PLD1: variants seen among roughly 807,000 people sequenced by gnomAD.
The protein encoded by PLD1 is phospholipase D1.
In PLD1, 112 loss-of-function variants were observed where a neutral mutation model predicts 137.1. The observed-to-expected ratio is 0.82, with a 90% CI of 0.70 to 0.96. The LOEUF (loss-of-function observed/expected upper bound fraction) is 0.96, where lower values mean the gene tolerates loss of function less well. PLD1 is among the 40% of genes least tolerant of loss of function. The probability of loss-of-function intolerance (pLI) is 0.00; values close to 1 mark genes in which losing one functional copy is unlikely to be tolerated. For missense variants in PLD1, 1,321 were observed against 1,342.0 expected (o/e 0.98, Z 0.24); for synonymous variants, 431 against 454.7 (o/e 0.95, Z 0.66).
chr3:171,715,476 A>G (rs58871373), intron 8 of PLD1, among the ~76,000 whole-genome samples: 54,503 of 151,614 alleles, frequency 0.36, 10,879 homozygotes, highest in African/African-American at 0.52. Context: ...TTTTATGTGA[A>G]TTTTAGGATT....
rs1273775556 is a variant in PLD1 at position 171,648,207 on chromosome 3, G to C, written c.2430-3184C>G. Among the ~76,000 whole-genome samples the C allele has an allele frequency of 4.6e-5, 7 of 152,122 alleles. No homozygotes were observed. In the East Asian group the frequency reaches 1.4e-3, roughly 29 times the overall value. ...GTGAGTCCCTGTTTTCAGTTCTTTG[G>C]GGTTTATATTCAGGAATGGAACTGC... On this transcript the variant is annotated intron_variant, in intron 21 of 26. Coordinates refer to ENST00000351298, the MANE Select transcript of PLD1 (RefSeq NM_002662.5).
intron 1 of PLD1, among the ~76,000 whole-genome samples, chr3:171,758,191 C>A (rs565675178): frequency 3.3e-4 from 51 of 152,256 alleles, no homozygotes; most frequent in African/African-American, 1.2e-3. Context: ...CACAATAACC[C>A]TATAGTGTAA....
rs1343881144 is a variant in PLD1 at position 171,645,016 on chromosome 3, G to C, written c.2437C>G (p.Gln813Glu). The C allele has an allele frequency of 3.7e-6, 6 of 1,607,732 alleles. No individual in the cohort carries two copies. Among genetic ancestry groups the C allele is most frequent in the South Asian group, 1.1e-5 (1 of 90,970 alleles). Residue 813 changes from glutamine (Q) to glutamate (E), a missense_variant, in exon 22 of 27, where the codon CAG (glutamine) becomes GAG (glutamate). Transcript: ENST00000351298. ...ATCACGACATATACCCGGTATTTCT[G>C]GTTTTCCCTGCAAAGGTCAGATGCA... Reference protein sequence around the residue: ...QRILKAHRENQKYRVYVVIPL... With the variant: ...QRILKAHRENEKYRVYVVIPL...
chr3:171,735,097 A>C, intron 4 of PLD1, 127 bp from the exon 5 acceptor site: 2 of 628,632 alleles, frequency 3.2e-6, no homozygotes, highest in Middle Eastern at 5.2e-4. Flanking sequence ...CCAACAATAG[A>C]CTAGTTAGCC....
intron 1 of PLD1, among the ~76,000 whole-genome samples, chr3:171,752,650 A>C (rs1010274907): frequency 2.0e-5 from 3 of 152,218 alleles, no homozygotes; most frequent in Non-Finnish European, 4.4e-5. Flanking sequence ...AAAGAAATCA[A>C]ATCTGATCTC....
At chr3:171,798,082 A>G (rs1016202423) in intron 1 of PLD1, among the ~76,000 whole-genome samples, 2 of 152,238 alleles carry the variant, frequency 1.3e-5, no homozygotes, top group African/African-American at 2.4e-5. Context: ...GAATCCAGGT[A>G]ACACCGCTAC....
In PLD1 at chr3:171,635,745, G is replaced by T. The variant is rs78352245; in HGVS notation, c.2593+7095C>A. On this transcript the variant is annotated intron_variant, in intron 23 of 26. Transcript: ENST00000351298. Reference sequence around the variant, plus strand: ...TTTCACTTCCTTGATAATGTTCATTGGAGCACAAAGGCTTTCAAGCTTTCA... The same window carrying T: ...TTTCACTTCCTTGATAATGTTCATTTGAGCACAAAGGCTTTCAAGCTTTCA... Among the ~76,000 whole-genome samples the T allele has an allele frequency of 3.0e-3, 454 of 151,856 alleles. 1 individual carries two copies. The highest frequency in any genetic ancestry group is 0.011 in the African/African-American group (437 of 41,490).
chr3:171,790,551 T>C (rs1232344595), intron 1 of PLD1, among the ~76,000 whole-genome samples: 1 of 152,198 alleles, frequency 6.6e-6, no homozygotes, highest in Non-Finnish European at 1.5e-5. Context: ...AAATGAGATT[T>C]ATGATAATTT....
intron 8 of PLD1, among the ~76,000 whole-genome samples, chr3:171,717,408 T>G (rs1717760827): frequency 6.6e-6 from 1 of 152,212 alleles, no homozygotes; most frequent in African/African-American, 2.4e-5. Context: ...ATTCTCATTG[T>G]AGAGATCTTT....
At chr3:171,729,153 C>T (rs9879513) in intron 6 of PLD1, among the ~76,000 whole-genome samples, 54,889 of 152,032 alleles carry the variant, frequency 0.36, 11,027 homozygotes, top group African/African-American at 0.52. Flanking sequence ...TTTAGCCTAA[C>T]GGCATTTCGC....
At chr3:171,676,645 T>G (rs1578247629) in intron 18 of PLD1, 70 bp downstream of exon 18, 1 of 1,198,460 alleles carries the variant, frequency 8.3e-7, no homozygotes, top group East Asian at 2.3e-5. Context: ...ACCAGCCTCC[T>G]CTAAACCTCT....
chr3:171,711,817 T>TAAAAAAAAAAAAAAAAAA (rs36106956), intron 9 of PLD1, among the ~76,000 whole-genome samples: 4 of 99,206 alleles, frequency 4.0e-5, no homozygotes, highest in African/African-American at 1.2e-4. Flanking sequence ...TTATAAATGC[T>TAAAAAAAAAAAAAAAAAA]AAAAAAAAAA....
intron 1 of PLD1, chr3:171,792,400 C>T (rs993895734): frequency 5.6e-6 from 2 of 359,730 alleles, no homozygotes; most frequent in Non-Finnish European, 1.1e-5. Flanking sequence ...GGCTGGGTGG[C>T]CCCAAATGAG....
chr3:171,749,356 T>TA (rs1031897537), intron 1 of PLD1, among the ~76,000 whole-genome samples: 3 of 152,196 alleles, frequency 2.0e-5, no homozygotes, highest in East Asian at 1.9e-4. Flanking sequence ...GTGACACTCT[T>TA]ACAAAAAAAC....
intron 25 of PLD1, among the ~76,000 whole-genome samples, chr3:171,606,621 A>C (rs79146284): frequency 6.6e-6 from 1 of 152,120 alleles, no homozygotes; most frequent in Admixed American, 6.5e-5. Flanking sequence ...GAACTGTCCA[A>C]TTCAGATAAG....
At chr3:171,744,295 C>G (rs1719981813) in intron 1 of PLD1, among the ~76,000 whole-genome samples, 1 of 152,204 alleles carries the variant, frequency 6.6e-6, no homozygotes, top group Non-Finnish European at 1.5e-5. Flanking sequence ...CATGCACCTG[C>G]TCCTCTTCTG....
intron 23 of PLD1, among the ~76,000 whole-genome samples, chr3:171,629,486 T>G (rs2108326338): frequency 6.6e-6 from 1 of 152,326 alleles, no homozygotes; most frequent in East Asian, 1.9e-4. Flanking sequence ...TACCAATGAC[T>G]TTCTTCACAG....
chr3:171,659,383 T>A (rs562233927), intron 20 of PLD1, 82 bp from the exon 21 acceptor site: 1 of 944,194 alleles, frequency 1.1e-6, no homozygotes, highest in South Asian at 1.4e-5. Context: ...ATATATTTTT[T>A]AAAATGTTTC....
intron 1 of PLD1, among the ~76,000 whole-genome samples, chr3:171,760,947 A>G (rs1446086215): frequency 6.6e-6 from 1 of 152,282 alleles, no homozygotes; most frequent in Non-Finnish European, 1.5e-5. Flanking sequence ...GAAGAGCAAC[A>G]AAAGCATTTA....
Sources: allele counts gnomAD v4.1 joint callset (sites outside exome capture counted in the v4.1 genomes callset), GRCh38; gene constraint gnomAD v4.1.1; transcripts MANE v1.5; gene names NCBI Gene and HGNC (gene_info 2026-07-23, HGNC 2026-07-21).